FNDC3B: variants seen among roughly 807,000 people sequenced by gnomAD.
FNDC3B encodes the protein fibronectin type III domain containing 3B.
A neutral mutation model predicts 151.5 loss-of-function variants in FNDC3B; 12 were observed. That is an observed-to-expected ratio of 0.08 (90% CI 0.05 to 0.13). The LOEUF is 0.13. Among genes scored for constraint, FNDC3B ranks in the 10% least tolerant of loss-of-function variants. The pLI is 1.00. For synonymous variants in FNDC3B, 528 were observed against 549.0 expected (o/e 0.96, Z 0.54); for missense variants, 1,214 against 1,505.3 (o/e 0.81, Z 3.20).
chr3:172,374,055 C>T (rs1332434502), intron 23 of FNDC3B, among the ~76,000 whole-genome samples: 1 of 152,164 alleles, frequency 6.6e-6, no homozygotes, highest in Non-Finnish European at 1.5e-5. Flanking sequence ...TTATGTGAGC[C>T]GTCAAATTCA....
intron 1 of FNDC3B, among the ~76,000 whole-genome samples, chr3:172,088,706 A>T (rs1718669334): frequency 6.6e-6 from 1 of 152,228 alleles, no homozygotes; most frequent in Admixed American, 6.5e-5. Context: ...CCAGTGTTAC[A>T]CTTATAAATA....
intron 22 of FNDC3B, among the ~76,000 whole-genome samples, chr3:172,362,142 T>C (rs1734396333): frequency 6.6e-6 from 1 of 152,240 alleles, no homozygotes; most frequent in African/African-American, 2.4e-5. Context: ...TGCTTAGCTC[T>C]AGATAAGGAC....
chr3:172,147,763 T>C (rs2108596312), intron 3 of FNDC3B, among the ~76,000 whole-genome samples: 1 of 152,186 alleles, frequency 6.6e-6, no homozygotes, highest in Non-Finnish European at 1.5e-5. Flanking sequence ...CTGAGACTCA[T>C]GGAGGTGGAG....
chr3:172,154,935 G>A (rs1722411684), intron 3 of FNDC3B, among the ~76,000 whole-genome samples: 1 of 152,014 alleles, frequency 6.6e-6, no homozygotes, highest in Admixed American at 6.5e-5. Flanking sequence ...GGCTGGTGAT[G>A]TACTCTATGT....
intron 3 of FNDC3B, chr3:172,225,334 T>C (rs1576814636): frequency 6.3e-6 from 1 of 159,188 alleles, no homozygotes; most frequent in Non-Finnish European, 1.4e-5. Flanking sequence ...CCACCATGCC[T>C]AGCTAATTTT....
intron 10 of FNDC3B, among the ~76,000 whole-genome samples, chr3:172,309,921 G>A (rs896980657): frequency 6.6e-6 from 1 of 152,160 alleles, no homozygotes; most frequent in African/African-American, 2.4e-5. Flanking sequence ...TACATCTCAG[G>A]GGAAGCTGAG....
At chr3:172,311,351 C>G (rs1411912495) in intron 11 of FNDC3B, among the ~76,000 whole-genome samples, 1 of 152,164 alleles carries the variant, frequency 6.6e-6, no homozygotes, top group East Asian at 1.9e-4. Flanking sequence ...AAGTCACATT[C>G]TACCCATGTG....
At chr3:172,195,673 G>T (rs1424007619) in intron 3 of FNDC3B, among the ~76,000 whole-genome samples, 1 of 152,222 alleles carries the variant, frequency 6.6e-6, no homozygotes, top group African/African-American at 2.4e-5. Context: ...GAGGTACAAT[G>T]CAGAAGGGGT....
chr3:172,324,539 C>T (rs1264568551), intron 11 of FNDC3B, among the ~76,000 whole-genome samples: 1 of 149,258 alleles, frequency 6.7e-6, no homozygotes, highest in South Asian at 2.2e-4. Context: ...TTGGTTTGTA[C>T]TCCAAGATTT....
intron 10 of FNDC3B, among the ~76,000 whole-genome samples, chr3:172,308,844 T>C (rs948059837): frequency 1.3e-5 from 2 of 152,214 alleles, no homozygotes; most frequent in African/African-American, 4.8e-5. Context: ...GTGCTCTATA[T>C]TTACACATAC....
At chr3:172,361,282 G>C (rs1335293200) in intron 22 of FNDC3B, among the ~76,000 whole-genome samples, 2 of 152,108 alleles carry the variant, frequency 1.3e-5, no homozygotes, top group African/African-American at 2.4e-5. Context: ...ACATGGCCAG[G>C]CTGCAAATTT....
At chr3:172,333,196 C>T (rs1381997257) in intron 14 of FNDC3B, 21 bp downstream of exon 14, 15 of 1,401,318 alleles carry the variant, frequency 1.1e-5, no homozygotes, top group Non-Finnish European at 1.5e-5. Flanking sequence ...CATTTTGCTA[C>T]CTGAACTGCT....
At chr3:172,281,158 CAA>C (rs1283168795) in intron 6 of FNDC3B, among the ~76,000 whole-genome samples, 2 of 151,702 alleles carry the variant, frequency 1.3e-5, no homozygotes, top group Non-Finnish European at 2.9e-5. Flanking sequence ...ATCTGCAAAA[CAA>C]AATGCCCCTT....
chr3:172,231,556 T>A (rs1400309940), intron 4 of FNDC3B, among the ~76,000 whole-genome samples: 1 of 152,162 alleles, frequency 6.6e-6, no homozygotes, highest in Non-Finnish European at 1.5e-5. Flanking sequence ...TTTGGAGTTA[T>A]TGGTGGTGGT....
At chr3:172,318,224 G>A (rs1477389744) in intron 11 of FNDC3B, among the ~76,000 whole-genome samples, 1 of 152,244 alleles carries the variant, frequency 6.6e-6, no homozygotes, top group African/African-American at 2.4e-5. Context: ...AAAGTTGAGA[G>A]AGGAGAAAAG....
intron 3 of FNDC3B, among the ~76,000 whole-genome samples, chr3:172,171,677 A>T (rs4450850): frequency 1.1e-4 from 17 of 149,204 alleles, no homozygotes; most frequent in Admixed American, 1.1e-3. Context: ...CAGCTGAGCA[A>T]AAACAGCATG....
At chr3:172,140,129 A>C (rs1721548987) in intron 3 of FNDC3B, among the ~76,000 whole-genome samples, 2 of 152,174 alleles carry the variant, frequency 1.3e-5, no homozygotes, top group South Asian at 4.1e-4. Context: ...TGATTGATCC[A>C]AAGCTGTATA....
intron 23 of FNDC3B, among the ~76,000 whole-genome samples, chr3:172,370,315 C>T (rs73880151): frequency 0.024 from 3,667 of 151,924 alleles, 152 homozygotes; most frequent in African/African-American, 0.085. Context: ...ATTACATTTC[C>T]CCCTATAGTG....
intron 6 of FNDC3B, among the ~76,000 whole-genome samples, chr3:172,279,887 T>G (rs565632928): frequency 3.3e-5 from 5 of 151,696 alleles, no homozygotes; most frequent in Non-Finnish European, 7.4e-5. Context: ...GAAAAGCAAT[T>G]CAACACATAT....
Sources: allele counts gnomAD v4.1 joint callset (sites outside exome capture counted in the v4.1 genomes callset), GRCh38; gene constraint gnomAD v4.1.1; transcripts MANE v1.5; gene names NCBI Gene and HGNC (gene_info 2026-07-23, HGNC 2026-07-21).